BRAF: variants seen among roughly 807,000 people sequenced by gnomAD.
The protein encoded by BRAF is serine/threonine-protein kinase B-raf.
BRAF carries 16 observed loss-of-function variants against 104.6 expected under a neutral mutation model. That is an observed-to-expected ratio of 0.15 (90% CI 0.10 to 0.23). The LOEUF (loss-of-function observed/expected upper bound fraction) is 0.23. BRAF is among the 10% of genes least tolerant of loss of function. BRAF has a pLI of 1.00. For missense variants in BRAF, 541 were observed against 937.3 expected (o/e 0.58, Z 5.52); for synonymous variants, 310 against 341.6 (o/e 0.91, Z 1.02).
At chr7:140,728,156 G>A (rs6464984) in intron 19 of BRAF, among the ~76,000 whole-genome samples, 18,075 of 152,078 alleles carry the variant, frequency 0.12, 1,264 homozygotes, top group African/African-American at 0.19. Context: ...GATGCCTCAC[G>A]GAACAGTTTG....
chr7:140,773,602 A>G (rs981700049), intron 14 of BRAF, among the ~76,000 whole-genome samples: 23 of 152,234 alleles, frequency 1.5e-4, no homozygotes, highest in African/African-American at 5.1e-4. Context: ...TCTCTAGAGA[A>G]GAAACTTCCA....
At position 140,924,645 on chromosome 7, in the gene BRAF, T is replaced by C. The variant is rs781085650; in HGVS notation, c.59A>G (p.Asn20Ser). The change falls in exon 1 of 20, where the codon AAC (asparagine) becomes AGC (serine). Residue 20 changes from asparagine (N) to serine (S), a missense_variant. Coordinates refer to ENST00000644969, the MANE Select transcript of BRAF (RefSeq NM_001374258.1). The surrounding 1 kb of genome is among the most constrained non-coding windows in gnomAD (Gnocchi z 4.2). ...GGAEPGQALF[N>S]GDMEPEAGAG... ...GCCGGCCTCGGGCTCCATGTCCCCG[T>C]TGAACAGAGCCTGGCCCGGCTCCGC... 4.2e-6 allele frequency: 6 copies of C among 1,431,594 alleles called. No individual in the cohort carries two copies. In the South Asian group the frequency reaches 6.1e-5, roughly 15 times the overall value. The allele number at this position is 1,431,594 out of a possible 1,614,324, so 88.7% of individuals were successfully genotyped here.
rs1818562060 is a variant in BRAF, at chr7:140,924,029, G to GA, written c.138+536dup. Reference sequence around the variant, plus strand: ...ATTTGCTGGGTAAAACAGGTGAAGAGAAATCCCCAAATAGAAAAGTGAAAA... The same window carrying GA: ...ATTTGCTGGGTAAAACAGGTGAAGAGAAAATCCCCAAATAGAAAAGTGAAAA... On this transcript the variant is annotated intron_variant, in intron 1 of 19. Coordinates refer to ENST00000644969, the MANE Select transcript of BRAF (RefSeq NM_001374258.1). This position sits in a 1 kb window ranked among gnomAD's most constrained non-coding sequence, Gnocchi z 4.2. 6.6e-6 allele frequency among the ~76,000 whole-genome samples: 1 copy of GA among 152,090 alleles called. No individual in the cohort carries two copies. The highest frequency in any genetic ancestry group is 1.5e-5 in the Non-Finnish European group (1 of 67,994).
intron 7 of BRAF, among the ~76,000 whole-genome samples, chr7:140,798,717 G>A (rs1222170761): frequency 1.3e-5 from 2 of 151,982 alleles, no homozygotes; most frequent in Non-Finnish European, 2.9e-5. Flanking sequence ...CAGTTTGGGA[G>A]GCTGAGGCAG....
In BRAF at chr7:140,809,018, A is replaced by G. The variant is rs371109017; in HGVS notation, c.505-23T>C. On this transcript the variant is annotated intron_variant, in intron 3 of 19. Coordinates refer to ENST00000644969, the MANE Select transcript of BRAF (RefSeq NM_001374258.1). ...TACCTATGGTATCATAAATATATTGATAAGAGGTAAAGGGAGCAAATTACA... is the reference window on the plus strand; with the variant it reads ...TACCTATGGTATCATAAATATATTGGTAAGAGGTAAAGGGAGCAAATTACA... The G allele has an allele frequency of 4.5e-6, 7 of 1,572,468 alleles. No individual in the cohort carries two copies. The African/African-American group carries it at 6.8e-5, about 15-fold the overall frequency.
chr7:140,739,752 T>G, intron 18 of BRAF, 60 bp downstream of exon 17: 1 of 1,602,450 alleles, frequency 6.2e-7, no homozygotes. Flanking sequence ...AAAAAAGTGC[T>G]CAGAAATCTG....
At chr7:140,912,053 T>C (rs1817043563) in intron 1 of BRAF, among the ~76,000 whole-genome samples, 1 of 152,208 alleles carries the variant, frequency 6.6e-6, no homozygotes, top group African/African-American at 2.4e-5. Flanking sequence ...CTCGGGAAGC[T>C]GAGGTGAGAA....
intron 2 of BRAF, chr7:140,835,473 ATACTT>A (rs1807224930): frequency 6.5e-6 from 1 of 154,232 alleles, no homozygotes; most frequent in African/African-American, 2.4e-5. Flanking sequence ...ATCAGTTAAA[ATACTT>A]TACTCTTCTC....
chr7:140,714,748 T>A (rs114933727), downstream of BRAF, among the ~76,000 whole-genome samples: 521 of 152,252 alleles, frequency 3.4e-3, 3 homozygotes, highest in African/African-American at 0.012. Context: ...AGAGAACTTA[T>A]TAGAAAGGGT....
At position 140,770,453 on chromosome 7, in the gene BRAF, C is replaced by T. The variant is rs889060589; in HGVS notation, c.1814+6459G>A. Among the ~76,000 whole-genome samples the T allele has an allele frequency of 4.3e-5, 6 of 139,052 alleles. No individual in the cohort carries two copies. In the East Asian group the frequency reaches 1.3e-3, roughly 29 times the overall value. The allele number at this position is 139,052 out of a possible 152,430, so 91.2% of individuals were successfully genotyped here. The stretch of plus-strand genomic sequence containing the variant: ...AGGCTGTAACTTTTTCTATGTGCCT[C>T]TGTGATTTAATTTTTTGATAAAGTT... On this transcript the variant is annotated intron_variant, in intron 14 of 19. Coordinates refer to ENST00000644969, the MANE Select transcript of BRAF (RefSeq NM_001374258.1).
chr7:140,793,072 T>C (rs1481539279), intron 8 of BRAF, among the ~76,000 whole-genome samples: 1 of 152,072 alleles, frequency 6.6e-6, no homozygotes, highest in African/African-American at 2.4e-5. Flanking sequence ...AAAAACCAGT[T>C]TGAGATGCAC....
intron 5 of BRAF, among the ~76,000 whole-genome samples, chr7:140,803,825 A>T (rs1405862610): frequency 6.6e-6 from 1 of 152,164 alleles, no homozygotes; most frequent in Non-Finnish European, 1.5e-5. Flanking sequence ...ATAAATATCA[A>T]AATGTGAGTG....
chr7:140,767,247 A>G (rs988815034), intron 14 of BRAF, among the ~76,000 whole-genome samples: 1 of 151,674 alleles, frequency 6.6e-6, no homozygotes, highest in Non-Finnish European at 1.5e-5. Context: ...CAAGCAATCC[A>G]CCCGCCTCAG....
At chr7:140,756,689 C>T (rs1434159338) in intron 14 of BRAF, among the ~76,000 whole-genome samples, 1 of 152,158 alleles carries the variant, frequency 6.6e-6, no homozygotes, top group Admixed American at 6.5e-5. Context: ...GATTGGACCT[C>T]CCTCTTTCCT....
chr7:140,835,549 T>C (rs372576877), intron 2 of BRAF: 1 of 151,524 alleles, frequency 6.6e-6, no homozygotes, highest in Admixed American at 6.6e-5. Context: ...GGAACTAGTA[T>C]GCAAAGCTGT....
intron 2 of BRAF, among the ~76,000 whole-genome samples, chr7:140,839,012 A>T (rs1807640841): frequency 6.6e-6 from 1 of 152,250 alleles, no homozygotes; most frequent in Admixed American, 6.5e-5. Flanking sequence ...TCAATAGAAC[A>T]AGAAATAAAA....
intron 2 of BRAF, chr7:140,835,643 T>G (rs1807245398): frequency 6.6e-6 from 1 of 151,974 alleles, no homozygotes; most frequent in African/African-American, 2.4e-5. Context: ...ATTATGGGGC[T>G]ACTATCCATC....
chr7:140,831,158 G>C (rs1806696813), intron 3 of BRAF, among the ~76,000 whole-genome samples: 1 of 152,134 alleles, frequency 6.6e-6, no homozygotes, highest in African/African-American at 2.4e-5. Context: ...CAGACAATTG[G>C]GTGGAGAACC....
the BRAF span, among the ~76,000 whole-genome samples, chr7:140,714,079 C>T: frequency 2.6e-5 from 4 of 152,150 alleles, no homozygotes; most frequent in Non-Finnish European, 5.9e-5. Flanking sequence ...AGGCAGTCTG[C>T]CCGTTCTCAG....
Sources: allele counts gnomAD v4.1 joint callset (sites outside exome capture counted in the v4.1 genomes callset), GRCh38; gene constraint gnomAD v4.1.1; non-coding constraint Gnocchi (gnomAD v3.1); transcripts MANE v1.5; gene names NCBI Gene and HGNC (gene_info 2026-07-23, HGNC 2026-07-21).